Variants in LARGE1 observed in about 807,000 individuals in gnomAD.
LARGE1 encodes xylosyl- and glucuronyltransferase LARGE1.
LARGE1 carries 43 observed loss-of-function variants against 87.6 expected under a neutral mutation model. That is an observed-to-expected ratio of 0.49 (90% CI 0.38 to 0.63). LARGE1 has a LOEUF of 0.63. Among genes scored for constraint, LARGE1 ranks in the 30% least tolerant of loss-of-function variants. The pLI is 0.00. For missense variants in LARGE1, 802 were observed against 1,000.2 expected (o/e 0.80, Z 2.67); for synonymous variants, 434 against 394.6 (o/e 1.10, Z -1.18).
At chr22:33,829,000 CTTTT>C (rs1362969628) in intron 1 of LARGE1, among the ~76,000 whole-genome samples, 1 of 106,198 alleles carries the variant, frequency 9.4e-6, no homozygotes, top group African/African-American at 3.3e-5. Context: ...TGTGAAGTCT[CTTTT>C]TCTTTTTTTT....
At chr22:33,128,680 CAAAAA>C in the LARGE1 span, among the ~76,000 whole-genome samples, 7 of 110,276 alleles carry the variant, frequency 6.3e-5, no homozygotes, top group Non-Finnish European at 9.2e-5. Flanking sequence ...GTCTCAAAAA[CAAAAA>C]AAAAAAAAAA....
chr22:33,702,149 T>C (rs2082421119), intron 2 of LARGE1, among the ~76,000 whole-genome samples: 1 of 152,238 alleles, frequency 6.6e-6, no homozygotes, highest in Non-Finnish European at 1.5e-5. Flanking sequence ...TATTATGTGC[T>C]GGGAACATAA....
At chr22:33,566,072 T>C (rs758995150) in intron 5 of LARGE1, among the ~76,000 whole-genome samples, 9 of 61,338 alleles carry the variant, frequency 1.5e-4, no homozygotes, top group African/African-American at 3.4e-4. Flanking sequence ...CCAAAAAATA[T>C]TGATCTCCTT....
chr22:33,729,514 T>C (rs1317657081), intron 2 of LARGE1, among the ~76,000 whole-genome samples: 2 of 152,228 alleles, frequency 1.3e-5, no homozygotes, highest in African/African-American at 4.8e-5. Flanking sequence ...GCTAATAATA[T>C]GATCAGTTAG....
chr22:33,111,874 T>C, the LARGE1 span, among the ~76,000 whole-genome samples: 1 of 152,166 alleles, frequency 6.6e-6, no homozygotes, highest in Admixed American at 6.5e-5. Flanking sequence ...GCCTTTATTT[T>C]CTCCCAGGAA....
chr22:33,206,502 T>C (rs552413937), intron 11 of LARGE1, among the ~76,000 whole-genome samples: 46 of 152,292 alleles, frequency 3.0e-4, no homozygotes, highest in Middle Eastern at 3.4e-3. Flanking sequence ...TTCTATGACT[T>C]TTTGCATTAG....
At chr22:33,503,490 A>C (rs1174780543) in intron 6 of LARGE1, among the ~76,000 whole-genome samples, 1 of 152,036 alleles carries the variant, frequency 6.6e-6, no homozygotes, top group East Asian at 1.9e-4. Context: ...GAGAATGAAA[A>C]CACACATCCA....
intron 4 of LARGE1, among the ~76,000 whole-genome samples, chr22:33,607,064 T>G (rs74801060): frequency 6.6e-6 from 1 of 151,628 alleles, no homozygotes; most frequent in African/African-American, 2.4e-5. Context: ...AGAGTAGGAG[T>G]TGAATCAATG....
intron 1 of LARGE1, among the ~76,000 whole-genome samples, chr22:33,802,322 G>A (rs1465282721): frequency 6.6e-6 from 1 of 152,184 alleles, no homozygotes; most frequent in Non-Finnish European, 1.5e-5. Flanking sequence ...TCATCACTTA[G>A]AGAAGAGCTC....
At chr22:33,583,589 A>G (rs1294420569) in intron 5 of LARGE1, among the ~76,000 whole-genome samples, 1 of 152,184 alleles carries the variant, frequency 6.6e-6, no homozygotes, top group Non-Finnish European at 1.5e-5. Context: ...GAAATTTAAC[A>G]ACGCCTATCC....
chr22:33,203,007 T>A (rs1846593540), intron 11 of LARGE1, among the ~76,000 whole-genome samples: 1 of 151,332 alleles, frequency 6.6e-6, no homozygotes, highest in African/African-American at 2.4e-5. Context: ...AAATAAAATT[T>A]AAAAAACATA....
intron 12 of LARGE1, among the ~76,000 whole-genome samples, chr22:33,292,179 A>T (rs1203836392): frequency 6.6e-6 from 1 of 152,180 alleles, no homozygotes; most frequent in African/African-American, 2.4e-5. Flanking sequence ...CGAATCTGCC[A>T]CCAAGTTTGT....
chr22:33,719,758 A>T (rs983824180), intron 2 of LARGE1, among the ~76,000 whole-genome samples: 1 of 151,948 alleles, frequency 6.6e-6, no homozygotes, highest in Admixed American at 6.6e-5. Flanking sequence ...CTGACCTCAT[A>T]ATCTGCCCGC....
intron 6 of LARGE1, among the ~76,000 whole-genome samples, chr22:33,439,035 A>C (rs991195768): frequency 1.5e-4 from 23 of 151,278 alleles, no homozygotes; most frequent in Admixed American, 4.6e-4. Flanking sequence ...ACATAGTGAA[A>C]CCCCCGCCTC....
intron 4 of LARGE1, among the ~76,000 whole-genome samples, chr22:33,611,582 G>C (rs1353593159): frequency 6.6e-6 from 1 of 152,220 alleles, no homozygotes; most frequent in African/African-American, 2.4e-5. Flanking sequence ...AGGCTCACAG[G>C]TAGAAGGAAC....
intron 11 of LARGE1, among the ~76,000 whole-genome samples, chr22:33,204,826 A>G (rs1247300167): frequency 6.6e-6 from 1 of 151,910 alleles, no homozygotes; most frequent in Admixed American, 6.6e-5. Flanking sequence ...TATTGTAGGA[A>G]TTACTATAGA....
intron 2 of LARGE1, among the ~76,000 whole-genome samples, chr22:33,678,833 G>T (rs1433574755): frequency 6.6e-6 from 1 of 152,216 alleles, no homozygotes; most frequent in African/African-American, 2.4e-5. Flanking sequence ...TCAAGACACT[G>T]TGCTGGGAAC....
chr22:33,390,697 T>G (rs1393570433), intron 7 of LARGE1, among the ~76,000 whole-genome samples: 2 of 150,760 alleles, frequency 1.3e-5, no homozygotes, highest in Admixed American at 6.6e-5. Context: ...GTGTTTTTTT[T>G]TTTTTTTTTT....
intron 2 of LARGE1, among the ~76,000 whole-genome samples, chr22:33,674,537 G>A (rs919657188): frequency 9.2e-5 from 14 of 152,092 alleles, no homozygotes; most frequent in Admixed American, 2.6e-4. Context: ...ACTCAAGGCC[G>A]TGCATGCTCA....
Sources: allele counts gnomAD v4.1 joint callset (sites outside exome capture counted in the v4.1 genomes callset), GRCh38; gene constraint gnomAD v4.1.1; transcripts MANE v1.5; gene names NCBI Gene and HGNC (gene_info 2026-07-23, HGNC 2026-07-21).